The following NLGN1 variants were observed in gnomAD, a reference collection of about 807,000 sequenced individuals.
NLGN1 encodes the protein neuroligin 1.
In NLGN1, 12 loss-of-function variants were observed where a neutral mutation model predicts 65.5. The observed-to-expected ratio is 0.18, with a 90% confidence interval of 0.12 to 0.30. The LOEUF is 0.30. Ranked by LOEUF, NLGN1 falls within the 10% of genes least tolerant of loss-of-function variation. The pLI is 1.00. For synonymous variants in NLGN1, 350 were observed against 359.5 expected, an observed-to-expected ratio of 0.97 and a Z score of 0.30; for missense variants, 750 against 1,007.1, an observed-to-expected ratio of 0.74 and a Z score of 3.46.
intron 4 of NLGN1, among the ~76,000 whole-genome samples, chr3:174,112,740 A>T (rs2152622229): frequency 6.6e-6 from 1 of 152,088 alleles, no homozygotes; most frequent in Admixed American, 6.6e-5. Flanking sequence ...AGCTAATAAC[A>T]TCATGTTTCT....
chr3:173,860,340 G>A (rs999434979), intron 4 of NLGN1, among the ~76,000 whole-genome samples: 5 of 151,300 alleles, frequency 3.3e-5, no homozygotes, highest in African/African-American at 1.2e-4. Context: ...GTGTGTTTTG[G>A]GGTTTCCAAA....
chr3:174,213,463 A>C (rs1198916971), intron 4 of NLGN1, among the ~76,000 whole-genome samples: 1 of 152,242 alleles, frequency 6.6e-6, no homozygotes. Context: ...ATGTATAATC[A>C]ATCAAACAAT....
At chr3:173,908,460 G>A (rs4513478) in intron 4 of NLGN1, among the ~76,000 whole-genome samples, 49,672 of 152,048 alleles carry the variant, frequency 0.33, 8,590 homozygotes, top group East Asian at 0.6. Flanking sequence ...ACTGGAAATT[G>A]GGAAAAAGCT....
At chr3:173,646,372 G>A (rs1502492) in intron 3 of NLGN1, among the ~76,000 whole-genome samples, 33,931 of 152,088 alleles carry the variant, frequency 0.22, 4,486 homozygotes, top group African/African-American at 0.37. Context: ...CATGCCTCAC[G>A]AATTAAGAGT....
chr3:173,515,862 C>A (rs1200092286), intron 2 of NLGN1, among the ~76,000 whole-genome samples: 1 of 151,970 alleles, frequency 6.6e-6, no homozygotes, highest in African/African-American at 2.4e-5. Context: ...ACCATATATG[C>A]ATGGGTTTAT....
At chr3:173,914,153 TTG>T (rs1401490968) in intron 4 of NLGN1, among the ~76,000 whole-genome samples, 3 of 152,190 alleles carry the variant, frequency 2.0e-5, no homozygotes, top group African/African-American at 4.8e-5. Flanking sequence ...CCATCTCTCT[TTG>T]AGGTCTCACC....
At chr3:174,078,359 A>G (rs1172040764) in intron 4 of NLGN1, among the ~76,000 whole-genome samples, 1 of 152,186 alleles carries the variant, frequency 6.6e-6, no homozygotes, top group Non-Finnish European at 1.5e-5. Context: ...ACTCAGTAAC[A>G]TTTATTAGAA....
intron 4 of NLGN1, among the ~76,000 whole-genome samples, chr3:174,012,191 A>G (rs1405912921): frequency 1.3e-5 from 2 of 152,266 alleles, no homozygotes; most frequent in South Asian, 4.1e-4. Flanking sequence ...CAGGCCTCCA[A>G]GGTGTCCCTT....
At chr3:173,410,844 G>C (rs939146329) in intron 1 of NLGN1, among the ~76,000 whole-genome samples, 13 of 152,158 alleles carry the variant, frequency 8.5e-5, no homozygotes, top group Admixed American at 2.0e-4. Context: ...TTTCAATTCT[G>C]ATTTTTAAAC....
intron 4 of NLGN1, among the ~76,000 whole-genome samples, chr3:174,012,652 G>C (rs1228348126): frequency 6.6e-6 from 1 of 152,098 alleles, no homozygotes; most frequent in Non-Finnish European, 1.5e-5. Flanking sequence ...TTGAAGATTT[G>C]CATTTTATCT....
chr3:174,212,275 C>A (rs1185460619), intron 4 of NLGN1, among the ~76,000 whole-genome samples: 1 of 152,204 alleles, frequency 6.6e-6, no homozygotes, highest in Non-Finnish European at 1.5e-5. Context: ...AGTGCGGGGC[C>A]CTCCAAGCCC....
intron 3 of NLGN1, among the ~76,000 whole-genome samples, chr3:173,734,153 T>C (rs1209519095): frequency 6.6e-6 from 1 of 152,030 alleles, no homozygotes; most frequent in Non-Finnish European, 1.5e-5. Context: ...ATTTTTTCAT[T>C]TTAGGAAATT....
chr3:173,609,845 G>T (rs909802673), intron 3 of NLGN1, among the ~76,000 whole-genome samples: 12 of 151,894 alleles, frequency 7.9e-5, no homozygotes, highest in African/African-American at 2.9e-4. Context: ...AAGAGTGCTG[G>T]TATGGAGAGT....
intron 3 of NLGN1, among the ~76,000 whole-genome samples, chr3:173,691,188 G>A (rs1474220743): frequency 2.0e-5 from 3 of 152,000 alleles, no homozygotes; most frequent in South Asian, 2.1e-4. Flanking sequence ...TGCTCATGCT[G>A]TTTTCCCATC....
At chr3:174,177,766 CT>C (rs1729708010) in intron 4 of NLGN1, among the ~76,000 whole-genome samples, 2 of 151,966 alleles carry the variant, frequency 1.3e-5, no homozygotes, top group African/African-American at 4.8e-5. Flanking sequence ...TTATATTCTC[CT>C]TAAGAAATAT....
chr3:173,673,206 G>C (rs557832651), intron 3 of NLGN1, among the ~76,000 whole-genome samples: 1 of 152,148 alleles, frequency 6.6e-6, no homozygotes, highest in African/African-American at 2.4e-5. Context: ...TGTACCCCTG[G>C]GTAAAGTAGT....
chr3:174,213,696 A>C (rs1304660724), intron 4 of NLGN1, among the ~76,000 whole-genome samples: 1 of 152,220 alleles, frequency 6.6e-6, no homozygotes, highest in Non-Finnish European at 1.5e-5. Context: ...AAAGAACTGC[A>C]TTCATTCCCT....
chr3:173,717,998 A>G (rs867897073), intron 3 of NLGN1, among the ~76,000 whole-genome samples: 10 of 152,164 alleles, frequency 6.6e-5, no homozygotes, highest in African/African-American at 2.4e-4. Context: ...TTCACTCTAC[A>G]TATTTTTTAG....
intron 4 of NLGN1, among the ~76,000 whole-genome samples, chr3:174,009,029 A>T (rs914468146): frequency 1.3e-5 from 2 of 152,162 alleles, no homozygotes; most frequent in African/African-American, 4.8e-5. Flanking sequence ...TTAGCAATGA[A>T]CATTGTTTCT....
Sources: allele counts gnomAD v4.1 joint callset (sites outside exome capture counted in the v4.1 genomes callset), GRCh38; gene constraint gnomAD v4.1.1; transcripts MANE v1.5; gene names NCBI Gene and HGNC (gene_info 2026-07-23, HGNC 2026-07-21).